Variants in FSHR observed in about 807,000 individuals in gnomAD.
FSHR encodes follicle stimulating hormone receptor.
In FSHR, 46 loss-of-function variants were observed where a neutral mutation model predicts 52.1. The observed-to-expected ratio is 0.88, with a 90% confidence interval of 0.70 to 1.13. The LOEUF (loss-of-function observed/expected upper bound fraction) is 1.13. Ranked by LOEUF, FSHR falls within the 50% of genes most tolerant of loss-of-function variation. The pLI, the probability that FSHR is intolerant of heterozygous loss-of-function variation, is 0.00. For missense variants in FSHR, 964 were observed against 834.6 expected (o/e 1.16, Z -1.91); for synonymous variants, 399 against 309.6 (o/e 1.29, Z -3.03).
intron 9 of FSHR, among the ~76,000 whole-genome samples, chr2:48,964,682 G>A (rs1375560368): frequency 6.6e-6 from 1 of 152,106 alleles, no homozygotes; most frequent in South Asian, 2.1e-4. Context: ...GCTGCAAAAG[G>A]ACCTAATTTA....
intron 4 of FSHR, among the ~76,000 whole-genome samples, chr2:49,004,885 T>C (rs975579322): frequency 2.6e-5 from 4 of 152,128 alleles, no homozygotes; most frequent in African/African-American, 7.2e-5. Context: ...AGGCATATCC[T>C]ATGAAAATAA....
Position 49,147,510 on chromosome 2 carries a change from C to A in FSHR, c.152+6756G>T, listed in dbSNP as rs1270276208. On this transcript the variant is annotated intron_variant, in intron 1 of 9. Transcript: ENST00000406846. The stretch of plus-strand genomic sequence containing the variant: ...TTGGGTGAGGAAGGATAGCATGCAC[C>A]TTTAGGTAAACAAGGGGGTTTTATC... 6.6e-5 allele frequency among the ~76,000 whole-genome samples: 10 copies of A among 152,036 alleles called. 1 individual carries two copies. Among genetic ancestry groups the A allele is most frequent in the Non-Finnish European group, 1.5e-4 (10 of 67,978 alleles).
intron 1 of FSHR, among the ~76,000 whole-genome samples, chr2:49,082,988 C>G (rs1670234924): frequency 1.3e-5 from 2 of 151,540 alleles, no homozygotes; most frequent in East Asian, 1.9e-4. Flanking sequence ...TCAGGAAATA[C>G]AGAGAACGCC....
chr2:49,059,072 G>A (rs951895503), intron 2 of FSHR, among the ~76,000 whole-genome samples: 1 of 152,012 alleles, frequency 6.6e-6, no homozygotes, highest in African/African-American at 2.4e-5. Context: ...GAGTATGGTG[G>A]CACATGCCTG....
intron 6 of FSHR, among the ~76,000 whole-genome samples, chr2:48,984,285 G>C (rs1675388870): frequency 6.6e-6 from 1 of 152,206 alleles, no homozygotes; most frequent in African/African-American, 2.4e-5. Context: ...GGTGGGTTCT[G>C]ATGGCAAAGA....
intron 1 of FSHR, among the ~76,000 whole-genome samples, chr2:49,085,773 A>G (rs904974446): frequency 3.9e-5 from 6 of 152,206 alleles, no homozygotes; most frequent in Non-Finnish European, 7.3e-5. Context: ...ACCATGGAAT[A>G]CTATGCAGCC....
At chr2:49,020,037 G>A in intron 3 of FSHR, 49 bp downstream of exon 3, 2 of 1,488,154 alleles carry the variant, frequency 1.3e-6, no homozygotes, top group Non-Finnish European at 1.9e-6. Flanking sequence ...GAACTTTAAG[G>A]GTTTTTTCAA....
chr2:49,061,275 G>A (rs1669277865), intron 2 of FSHR, among the ~76,000 whole-genome samples: 5 of 152,066 alleles, frequency 3.3e-5, no homozygotes, highest in Admixed American at 3.3e-4. Context: ...TAGCTGCTGT[G>A]AGCATCTAAG....
At chr2:49,154,210 G>C (rs1167223344) in intron 1 of FSHR, 56 bp downstream of exon 1, 5 of 1,539,840 alleles carry the variant, frequency 3.2e-6, no homozygotes. Context: ...AATAATAATA[G>C]TACGCAATGC....
At position 49,021,564 on chromosome 2, in the gene FSHR, C is replaced by T. The variant is rs1358447936; in HGVS notation, c.225-1404G>A. Among the ~76,000 whole-genome samples the T allele has an allele frequency of 2.3e-5, 3 of 130,308 alleles. No homozygotes were observed. In the East Asian group the frequency reaches 6.9e-4, roughly 30 times the overall value. The allele number at this position is 130,308 out of a possible 152,430, so 85.5% of individuals were successfully genotyped here. A position where few individuals can be genotyped will look rare whatever the true frequency, so the allele number is the denominator to read the frequency against. ...CCTGGAGGGGAGGGAAAAAAGAAGG[C>T]CCCTGGGGGAGGGGAAGTGTGACTG... On this transcript the variant is annotated intron_variant, in intron 2 of 9. Coordinates refer to ENST00000406846, the MANE Select transcript of FSHR (RefSeq NM_000145.4).
chr2:49,014,588 TC>T (rs1667413465), intron 4 of FSHR: 1 of 235,498 alleles, frequency 4.2e-6, no homozygotes, highest in Non-Finnish European at 8.4e-6. Context: ...AAGGGGGTCC[TC>T]ATTCATAAGA....
intron 8 of FSHR, among the ~76,000 whole-genome samples, chr2:48,973,341 A>T (rs1674832074): frequency 6.8e-6 from 1 of 146,676 alleles, no homozygotes; most frequent in African/African-American, 2.8e-5. Flanking sequence ...CACATAAGTG[A>T]TGGGGACTAC....
chr2:49,137,654 G>A (rs1356546586), intron 1 of FSHR, among the ~76,000 whole-genome samples: 1 of 152,078 alleles, frequency 6.6e-6, no homozygotes. Flanking sequence ...AAATGGAACA[G>A]AAACAATGAG....
chr2:49,026,306 T>C (rs1667908943), intron 2 of FSHR, among the ~76,000 whole-genome samples: 1 of 152,222 alleles, frequency 6.6e-6, no homozygotes, highest in South Asian at 2.1e-4. Context: ...TATATTTCCC[T>C]TGTTTCCCTC....
intron 9 of FSHR, among the ~76,000 whole-genome samples, chr2:48,968,295 A>G (rs1016726349): frequency 4.6e-5 from 7 of 152,200 alleles, no homozygotes; most frequent in African/African-American, 1.4e-4. Flanking sequence ...CATGGCATTT[A>G]TGCATCTCCC....
intron 1 of FSHR, among the ~76,000 whole-genome samples, chr2:49,080,460 T>G (rs1670127981): frequency 6.6e-6 from 1 of 152,104 alleles, no homozygotes; most frequent in Non-Finnish European, 1.5e-5. Context: ...TGAACATAAA[T>G]ACAATTAATG....
At chr2:49,133,378 C>T (rs1224963506) in intron 1 of FSHR, among the ~76,000 whole-genome samples, 2 of 152,108 alleles carry the variant, frequency 1.3e-5, no homozygotes, top group African/African-American at 4.8e-5. Context: ...TCTCAAGCTA[C>T]AAACCACTTA....
In FSHR at chr2:49,067,087, T is replaced by C. The variant is rs1356295454; in HGVS notation, c.224+1132A>G. 5.3e-5 allele frequency among the ~76,000 whole-genome samples: 8 copies of C among 152,126 alleles called. No individual in the cohort carries two copies. In the East Asian group the frequency reaches 1.4e-3, roughly 26 times the overall value. On this transcript the variant is annotated intron_variant, in intron 2 of 9. Coordinates refer to ENST00000406846, the MANE Select transcript of FSHR (RefSeq NM_000145.4). ...TCTCCTGCAACATGGAGATAGAAATTGGAAATCACGTAAGCCCCTTTTTAA... is the reference window on the plus strand; with the variant it reads ...TCTCCTGCAACATGGAGATAGAAATCGGAAATCACGTAAGCCCCTTTTTAA...
intron 1 of FSHR, among the ~76,000 whole-genome samples, chr2:49,124,162 T>G (rs948306505): frequency 1.4e-5 from 2 of 145,090 alleles, no homozygotes; most frequent in Non-Finnish European, 3.0e-5. Context: ...CCGGCTAATT[T>G]TTTTTTTTTT....
Sources: gnomAD v4.1 joint callset for allele counts (sites outside exome capture counted in the v4.1 genomes callset) on GRCh38, gnomAD v4.1.1 for gene constraint, MANE v1.5 for transcripts, NCBI Gene and HGNC (gene_info 2026-07-23, HGNC 2026-07-21) for gene names.